RBFOX1: variants seen among roughly 807,000 people sequenced by gnomAD.
RBFOX1 encodes RNA binding fox-1 homolog 1, also known as RNA binding protein fox-1 homolog 1.
Under a neutral mutation model 57.7 loss-of-function variants are expected in RBFOX1, and 8 were observed. The observed-to-expected ratio is 0.14, with a 90% CI of 0.08 to 0.25. RBFOX1 has a LOEUF of 0.25. Ranked by LOEUF, RBFOX1 falls within the 10% of genes least tolerant of loss-of-function variation. RBFOX1 has a pLI of 1.00. For synonymous variants in RBFOX1, 326 were observed against 222.4 expected, an observed-to-expected ratio of 1.47 and a Z score of -4.15; for missense variants, 611 against 548.5, an observed-to-expected ratio of 1.11 and a Z score of -1.14.
chr16:5,585,617 G>A (rs953761849), intron 2 of RBFOX1, among the ~76,000 whole-genome samples: 2 of 152,198 alleles, frequency 1.3e-5, no homozygotes, highest in Admixed American at 1.3e-4. Context: ...GGGATATCCC[G>A]ATGAAAGGGC....
intron 4 of RBFOX1, among the ~76,000 whole-genome samples, chr16:7,426,858 T>A (rs891287331): frequency 6.6e-6 from 1 of 151,978 alleles, no homozygotes; most frequent in Admixed American, 6.6e-5. Context: ...TACATGAGGG[T>A]GCATCAGCAT....
intron 2 of RBFOX1, among the ~76,000 whole-genome samples, chr16:6,536,687 A>C (rs1377640891): frequency 1.3e-5 from 2 of 152,092 alleles, no homozygotes; most frequent in South Asian, 2.1e-4. Flanking sequence ...TGATATCTTC[A>C]GATTTTTATA....
At chr16:7,371,438 G>A (rs2097563717) in intron 4 of RBFOX1, among the ~76,000 whole-genome samples, 1 of 152,262 alleles carries the variant, frequency 6.6e-6, no homozygotes, top group Middle Eastern at 3.4e-3. Flanking sequence ...AAAGAAAAAA[G>A]CACCATTGTG....
intron 1 of RBFOX1, among the ~76,000 whole-genome samples, chr16:6,163,990 A>G (rs1189278791): frequency 2.0e-5 from 3 of 152,234 alleles, no homozygotes; most frequent in Non-Finnish European, 4.4e-5. Context: ...ACAGATTAAC[A>G]TATTGTCACA....
At chr16:5,821,923 C>T (rs1177525884) in intron 3 of RBFOX1, among the ~76,000 whole-genome samples, 3 of 152,172 alleles carry the variant, frequency 2.0e-5, no homozygotes, top group Non-Finnish European at 4.4e-5. Context: ...CTCCTAAAGA[C>T]CCCACTTACT....
intron 1 of RBFOX1, among the ~76,000 whole-genome samples, chr16:6,053,452 G>C (rs2095577721): frequency 6.6e-6 from 1 of 152,184 alleles, no homozygotes. Flanking sequence ...ATAGAAGTAA[G>C]AGGCAGCTGT....
At chr16:6,943,398 A>C (rs1474979277) in intron 3 of RBFOX1, among the ~76,000 whole-genome samples, 1 of 152,154 alleles carries the variant, frequency 6.6e-6, no homozygotes, top group African/African-American at 2.4e-5. Flanking sequence ...GACAAGACTG[A>C]AAATCTAACT....
chr16:7,173,059 A>C (rs2081011562), intron 4 of RBFOX1, among the ~76,000 whole-genome samples: 1 of 152,196 alleles, frequency 6.6e-6, no homozygotes, highest in African/African-American at 2.4e-5. Flanking sequence ...TTAGTACCCA[A>C]CAAGTAGAAA....
At chr16:5,459,587 C>T (rs77365160) in intron 1 of RBFOX1, among the ~76,000 whole-genome samples, 1,866 of 152,158 alleles carry the variant, frequency 0.012, 50 homozygotes, top group African/African-American at 0.042. Flanking sequence ...CACTTTCTCA[C>T]GATCCCCCAA....
At chr16:5,642,496 C>T (rs551607274) in intron 3 of RBFOX1, among the ~76,000 whole-genome samples, 1 of 152,290 alleles carries the variant, frequency 6.6e-6, no homozygotes, top group East Asian at 1.9e-4. Flanking sequence ...GGGAACGTCG[C>T]TCTTAAATGC....
Position 7,256,464 on chromosome 16 carries a change from C to T in RBFOX1, c.27+204366C>T, listed in dbSNP as rs199515888. Among the ~76,000 whole-genome samples the T allele has an allele frequency of 1.4e-4, 22 of 152,296 alleles. No individual in the cohort carries two copies. The East Asian group carries it at 3.7e-3, about 25-fold the overall frequency. ...AATCTTTTATGGCATTATTGCTGAC[C>T]TTTCACCAAGGAGCCTTTTTAGACC... On this transcript the variant is annotated intron_variant, in intron 4 of 15. Coordinates refer to ENST00000550418, the MANE Select transcript of RBFOX1 (RefSeq NM_018723.4).
chr16:6,849,803 C>T (rs13338731), intron 3 of RBFOX1, among the ~76,000 whole-genome samples: 23,022 of 152,156 alleles, frequency 0.15, 3,387 homozygotes, highest in African/African-American at 0.38. Flanking sequence ...TTGATTTCTA[C>T]CCACTGAAAA....
intron 3 of RBFOX1, among the ~76,000 whole-genome samples, chr16:5,842,487 C>G (rs7185992): frequency 0.42 from 63,196 of 152,112 alleles, 14,560 homozygotes; most frequent in African/African-American, 0.61. Flanking sequence ...TGCATGCCTG[C>G]CACTGTGTCA....
intron 4 of RBFOX1, among the ~76,000 whole-genome samples, chr16:7,274,542 C>A (rs962833362): frequency 6.6e-6 from 1 of 152,154 alleles, no homozygotes; most frequent in Non-Finnish European, 1.5e-5. Context: ...TCTGTACTTG[C>A]TTCTGACACT....
chr16:7,380,601 A>C (rs1400496932), intron 4 of RBFOX1, among the ~76,000 whole-genome samples: 1 of 152,182 alleles, frequency 6.6e-6, no homozygotes, highest in African/African-American at 2.4e-5. Context: ...CCAGTTTCCA[A>C]ACTCTGGTCT....
intron 2 of RBFOX1, among the ~76,000 whole-genome samples, chr16:6,335,079 G>A (rs966552979): frequency 1.1e-4 from 17 of 152,212 alleles, no homozygotes; most frequent in Admixed American, 7.9e-4. Context: ...TAGTTTAATT[G>A]TAGGAACATT....
At chr16:5,490,749 G>A (rs1277111475) in intron 2 of RBFOX1, among the ~76,000 whole-genome samples, 1 of 152,194 alleles carries the variant, frequency 6.6e-6, no homozygotes, top group African/African-American at 2.4e-5. Context: ...CAGAGATCAT[G>A]AAGCTGCCGC....
intron 4 of RBFOX1, among the ~76,000 whole-genome samples, chr16:7,517,600 T>G (rs1199192543): frequency 6.6e-6 from 1 of 151,618 alleles, no homozygotes; most frequent in African/African-American, 2.4e-5. Context: ...ACACAGACAC[T>G]GGGACCATTA....
intron 3 of RBFOX1, among the ~76,000 whole-genome samples, chr16:5,822,012 C>T (rs929139324): frequency 6.6e-6 from 1 of 152,174 alleles, no homozygotes; most frequent in African/African-American, 2.4e-5. Context: ...CAGGTATGAA[C>T]ACTTAACGTA....
Sources: gnomAD v4.1 joint callset for allele counts (sites outside exome capture counted in the v4.1 genomes callset) on GRCh38, gnomAD v4.1.1 for gene constraint, MANE v1.5 for transcripts, NCBI Gene and HGNC (gene_info 2026-07-23, HGNC 2026-07-21) for gene names.